Variants in TANK observed in about 807,000 individuals in gnomAD.
TANK encodes TRAF family member associated NFKB activator.
TANK carries 15 observed loss-of-function variants against 43.6 expected under a neutral mutation model. The observed-to-expected ratio is 0.34, with a 90% CI of 0.23 to 0.53. The LOEUF (loss-of-function observed/expected upper bound fraction) is 0.53, where lower values mean the gene tolerates loss of function less well. Among genes scored for constraint, TANK ranks in the 20% least tolerant of loss-of-function variants. The pLI is 0.94. For synonymous variants in TANK, 162 were observed against 178.2 expected, an observed-to-expected ratio of 0.91 and a Z score of 0.73; for missense variants, 417 against 498.6, an observed-to-expected ratio of 0.84 and a Z score of 1.56.
intron 1 of TANK, 61 bp from the exon 2 acceptor site, chr2:161,179,553 A>G: frequency 1.3e-5 from 19 of 1,433,700 alleles, no homozygotes; most frequent in Non-Finnish European, 1.5e-5. Flanking sequence ...TTTAAGATGC[A>G]TTTTTAAAAT....
At chr2:161,214,653 C>T (rs952609242) in intron 4 of TANK, among the ~76,000 whole-genome samples, 2 of 151,946 alleles carry the variant, frequency 1.3e-5, no homozygotes, top group Non-Finnish European at 2.9e-5. Context: ...GTAAAAAATG[C>T]AAATATTAAT....
At chr2:161,203,086 C>T (rs1456058414) in intron 2 of TANK, 1 of 228,742 alleles carries the variant, frequency 4.4e-6, no homozygotes, top group East Asian at 1.4e-4. Flanking sequence ...ATTTGAAAGA[C>T]ACAAAATCTT....
chr2:161,184,370 A>G (rs16845693), intron 2 of TANK, among the ~76,000 whole-genome samples: 6,195 of 152,258 alleles, frequency 0.041, 266 homozygotes, highest in East Asian at 0.18. Flanking sequence ...TTCTAAGAGC[A>G]AGCAATATAA....
At chr2:161,204,228 C>G (rs1686547694) in intron 3 of TANK, among the ~76,000 whole-genome samples, 1 of 152,034 alleles carries the variant, frequency 6.6e-6, no homozygotes, top group Non-Finnish European at 1.5e-5. Context: ...AAAATATTAA[C>G]TGGAATAATT....
chr2:161,157,791 C>A (rs148990021), upstream of TANK, among the ~76,000 whole-genome samples: 30 of 152,184 alleles, frequency 2.0e-4, no homozygotes, highest in East Asian at 5.4e-3. Context: ...TCAAGTGATC[C>A]TCCTGCCTCA....
chr2:161,143,273 G>A (rs1031852135), intron 1 of TANK, among the ~76,000 whole-genome samples: 4 of 152,140 alleles, frequency 2.6e-5, no homozygotes, highest in Non-Finnish European at 5.9e-5. Flanking sequence ...TGCAAACAGA[G>A]ACAATTTGAC....
intron 1 of TANK, among the ~76,000 whole-genome samples, chr2:161,168,304 G>A (rs1558970124): frequency 6.6e-6 from 1 of 152,116 alleles, no homozygotes. Context: ...TGGAGAACCA[G>A]TACAGAAGAT....
chr2:161,231,380 G>A lies in TANK; in HGVS notation c.930G>A (p.Lys310=), dbSNP rs531961281. The A allele has an allele frequency of 3.7e-6, 6 of 1,614,072 alleles. No individual in the cohort carries two copies. In the Admixed American group the frequency reaches 8.3e-5, roughly 22 times the overall value. The change falls in exon 7 of 8, where the codon AAG becomes AAA. Residue 310 remains lysine (K), a synonymous_variant. Transcript: ENST00000392749. ...ACCTTAAAACAACTGACAAAACAAA[G>A]CCCTCAAATCTCGTAAACACTTGTA... ...IQNLKTTDKT[K]PSNLVNTCIR...
chr2:161,194,939 A>G (rs1039853392), intron 2 of TANK, among the ~76,000 whole-genome samples: 3 of 152,012 alleles, frequency 2.0e-5, no homozygotes, highest in Non-Finnish European at 4.4e-5. Context: ...TAATGAAGCT[A>G]CTGGTATTAG....
chr2:161,197,465 A>T (rs1686206547), intron 2 of TANK: 1 of 152,230 alleles, frequency 6.6e-6, no homozygotes, highest in South Asian at 2.1e-4. Context: ...TTTGTTCATA[A>T]ACATGTGCTA....
intron 6 of TANK, 88 bp downstream of exon 6, chr2:161,224,834 T>A: frequency 1.3e-6 from 1 of 790,214 alleles, no homozygotes; most frequent in South Asian, 2.2e-5. Flanking sequence ...TGAATGCCTA[T>A]TAAGTGTGTA....
At chr2:161,198,181 C>CA (rs1312017842) in intron 2 of TANK, among the ~76,000 whole-genome samples, 7 of 152,186 alleles carry the variant, frequency 4.6e-5, no homozygotes, top group Non-Finnish European at 1.0e-4. Context: ...ATTCCCACTC[C>CA]AAAATGGAGC....
In TANK at chr2:161,181,970, A is replaced by G. The variant is rs182184867; in HGVS notation, c.99+2209A>G. ...AAACTCTGAAGTCTAATATGCTAAT[A>G]TTTTGGAAAAATTCTCGAACCTTGT... On this transcript the variant is annotated intron_variant, in intron 2 of 7. Transcript: ENST00000392749. Among the ~76,000 whole-genome samples the G allele has an allele frequency of 1.5e-3, 228 of 152,304 alleles. 3 individuals are homozygous for G. The highest frequency in any genetic ancestry group is 4.6e-4 in the Non-Finnish European group (31 of 68,018).
intron 4 of TANK, among the ~76,000 whole-genome samples, chr2:161,220,694 A>G (rs1041642172): frequency 6.6e-5 from 10 of 152,218 alleles, no homozygotes; most frequent in African/African-American, 2.4e-4. Context: ...TTCAAATGAC[A>G]ATTTTTATTT....
intron 4 of TANK, among the ~76,000 whole-genome samples, chr2:161,210,140 C>CAAGA (rs1275153841): frequency 6.6e-6 from 1 of 152,066 alleles, no homozygotes; most frequent in Non-Finnish European, 1.5e-5. Context: ...CTTTGAGGAA[C>CAAGA]AAGAAAGATT....
rs191646740 is a variant in TANK, at chr2:161,222,566, T to C, written c.328-1349T>C. ...CACTAAAATCCATTGAGTGTTCTAA[T>C]TGTACAAAACACCATAGAAAAACCT... is the stretch of plus-strand genomic sequence containing the variant. On this transcript the variant is annotated intron_variant, in intron 4 of 7. Transcript: ENST00000392749. 5.2e-3 allele frequency among the ~76,000 whole-genome samples: 784 copies of C among 152,214 alleles called. 7 individuals are homozygous for C. Among genetic ancestry groups the C allele is most frequent in the African/African-American group, 0.017 (725 of 41,564 alleles).
intron 1 of TANK, among the ~76,000 whole-genome samples, chr2:161,143,448 T>C (rs1683809983): frequency 6.6e-6 from 1 of 151,466 alleles, no homozygotes; most frequent in Non-Finnish European, 1.5e-5. Flanking sequence ...AGTATGATAT[T>C]AGCTGTCATA....
At chr2:161,212,817 CT>C (rs1686950848) in intron 4 of TANK, 2 of 962,842 alleles carry the variant, frequency 2.1e-6, no homozygotes, top group Admixed American at 6.2e-5. Flanking sequence ...GAATAGCCCC[CT>C]GTCCACCTCC....
intron 2 of TANK, among the ~76,000 whole-genome samples, chr2:161,200,792 C>CTT (rs398038230): frequency 8.3e-4 from 122 of 146,738 alleles, no homozygotes; most frequent in Non-Finnish European, 9.6e-4. Context: ...TCTGATATTT[C>CTT]TTTTTTTTTT....
Sources: allele counts gnomAD v4.1 joint callset (sites outside exome capture counted in the v4.1 genomes callset), GRCh38; gene constraint gnomAD v4.1.1; transcripts MANE v1.5; gene names NCBI Gene and HGNC (gene_info 2026-07-23, HGNC 2026-07-21).